The following NAV1 variants were observed in gnomAD, a reference collection of about 807,000 sequenced individuals.
NAV1 encodes pore membrane and/or filament interacting like protein 3.
Under a neutral mutation model 175.2 loss-of-function variants are expected in NAV1, and 18 were observed. The ratio of observed to expected loss-of-function variants is 0.10; its 90% CI spans 0.07 to 0.15. The LOEUF (loss-of-function observed/expected upper bound fraction) is 0.15. Ranked by LOEUF, NAV1 falls within the 10% of genes least tolerant of loss-of-function variation. The pLI, the probability that NAV1 is intolerant of heterozygous loss-of-function variation, is 1.00. For missense variants in NAV1, 1,731 were observed against 2,436.6 expected, an observed-to-expected ratio of 0.71 and a Z score of 6.10; for synonymous variants, 897 against 978.7, an observed-to-expected ratio of 0.92 and a Z score of 1.56.
At chr1:201,672,278 A>T (rs911335105) in intron 1 of NAV1, among the ~76,000 whole-genome samples, 3 of 152,158 alleles carry the variant, frequency 2.0e-5, no homozygotes, top group African/African-American at 7.2e-5. Flanking sequence ...TGATTTCTTG[A>T]TTGTATTGTA....
In NAV1 at chr1:201,744,923, C is replaced by T. The variant is rs563177590; in HGVS notation, c.1226+26168C>T. The stretch of plus-strand genomic sequence containing the variant: ...TTTTTCACTGCTATCTGGAGGAATC[C>T]TATCTGGAGGTCTTTGATAGTGCCA... On this transcript the variant is annotated intron_variant, in intron 3 of 29. Coordinates refer to ENST00000367296, the Ensembl canonical transcript of NAV1. Among the ~76,000 whole-genome samples, 4 of 152,330 alleles carry T rather than the reference C, an allele frequency of 2.6e-5. No homozygotes were observed. The East Asian group carries it at 7.7e-4, about 29-fold the overall frequency.
rs1413159129 is a variant in NAV1 at position 201,740,083 on chromosome 1, GC to G, written c.1226+21333del. 2.1e-6 allele frequency: 3 copies of G among 1,454,034 alleles called. No individual in the cohort carries two copies. The highest frequency in any genetic ancestry group is 2.7e-5 in the Admixed American group (1 of 37,042). The allele number at this position is 1,454,034 out of a possible 1,614,324, so 90.1% of individuals were successfully genotyped here. A position where few individuals can be genotyped will look rare whatever the true frequency, so the allele number is the denominator to read the frequency against. ...CGGTGAATTTCCCCCGCAGGTAAGC[GC>G]CCCCACCCCCCTGGCCTCACCGCCA... On this transcript the variant is annotated intron_variant, in intron 3 of 29. Coordinates refer to ENST00000367296, the Ensembl canonical transcript of NAV1. This position sits in a 1 kb window ranked among gnomAD's most constrained non-coding sequence, Gnocchi z 4.7.
chr1:201,712,513 CT>C (rs1671949635), intron 1 of NAV1, among the ~76,000 whole-genome samples: 1 of 152,198 alleles, frequency 6.6e-6, no homozygotes, highest in Non-Finnish European at 1.5e-5. Flanking sequence ...GAAGCAGGGC[CT>C]CCCCAAAACA....
intron 1 of NAV1, among the ~76,000 whole-genome samples, chr1:201,708,657 G>A (rs1346460164): frequency 1.3e-5 from 2 of 152,126 alleles, no homozygotes; most frequent in African/African-American, 4.8e-5. Flanking sequence ...TTGCACAAAG[G>A]TGCCACGTAA....
chr1:201,689,915 G>A (rs1018906675), intron 1 of NAV1, among the ~76,000 whole-genome samples: 6 of 152,044 alleles, frequency 3.9e-5, no homozygotes, highest in Non-Finnish European at 8.8e-5. Flanking sequence ...TTCCTCCGTG[G>A]CCTGTCCGTG....
chr1:201,744,442 C>T (rs1673642617), intron 3 of NAV1, among the ~76,000 whole-genome samples: 2 of 151,888 alleles, frequency 1.3e-5, no homozygotes, highest in African/African-American at 4.8e-5. Flanking sequence ...TAAGGCAGAC[C>T]GTAGTCCCTG....
intron 3 of NAV1, among the ~76,000 whole-genome samples, chr1:201,746,198 A>G (rs1012106627): frequency 2.0e-5 from 3 of 152,322 alleles, no homozygotes; most frequent in East Asian, 3.9e-4. Context: ...TTGTCCAATT[A>G]TAAGTTTCTA....
At chr1:201,756,602 A>G (rs1571461456) in intron 3 of NAV1, among the ~76,000 whole-genome samples, 1 of 152,160 alleles carries the variant, frequency 6.6e-6, no homozygotes, top group Non-Finnish European at 1.5e-5. Flanking sequence ...TAAAATCCCT[A>G]CTTCCTTGCT....
exon 30 of NAV1, chr1:201,824,487 T>C (rs1361244913): frequency 6.6e-6 from 1 of 152,182 alleles, no homozygotes; most frequent in Non-Finnish European, 1.5e-5. Context: ...CATGGGTGCA[T>C]GTCTGCTCAG....
At chr1:201,677,337 A>G (rs1378569814) in intron 1 of NAV1, among the ~76,000 whole-genome samples, 2 of 151,828 alleles carry the variant, frequency 1.3e-5, no homozygotes, top group Admixed American at 1.3e-4. Flanking sequence ...GGTCTGAGCA[A>G]AGCTTGGAAA....
At chr1:201,676,615 C>T (rs1412071419) in intron 1 of NAV1, among the ~76,000 whole-genome samples, 1 of 150,896 alleles carries the variant, frequency 6.6e-6, no homozygotes, top group African/African-American at 2.5e-5. Context: ...GTAGCTCCTC[C>T]ACCATTCTCC....
intron 1 of NAV1, among the ~76,000 whole-genome samples, chr1:201,702,256 C>T (rs547437287): frequency 2.6e-5 from 4 of 152,268 alleles, no homozygotes; most frequent in African/African-American, 9.6e-5. Context: ...CTGCTAATGG[C>T]CACAGGGCTT....
chr1:201,806,192 C>G (rs1048630163), intron 17 of NAV1, among the ~76,000 whole-genome samples: 1 of 152,054 alleles, frequency 6.6e-6, no homozygotes, highest in African/African-American at 2.4e-5. Flanking sequence ...ACCATCTCGG[C>G]CAGGCTAGTC....
At chr1:201,819,133 C>T (rs544879123) in intron 29 of NAV1, among the ~76,000 whole-genome samples, 53 of 152,332 alleles carry the variant, frequency 3.5e-4, no homozygotes, top group African/African-American at 1.1e-3. Flanking sequence ...TGTCTAGCTG[C>T]TGGTTTATAC....
At chr1:201,654,066 A>G (rs952786770) in intron 1 of NAV1, among the ~76,000 whole-genome samples, 4 of 152,208 alleles carry the variant, frequency 2.6e-5, no homozygotes, top group Non-Finnish European at 4.4e-5. Flanking sequence ...CTCACAGCCC[A>G]TGGCTCTGCC....
At chr1:201,809,887 G>T in intron 22 of NAV1, 59 bp from the exon 27 acceptor site, 1 of 1,483,570 alleles carries the variant, frequency 6.7e-7, no homozygotes, top group South Asian at 1.2e-5. Context: ...ATTCTTTGTT[G>T]TGGCTTTTAC....
intron 1 of NAV1, among the ~76,000 whole-genome samples, chr1:201,574,134 T>C (rs1180054639): frequency 6.6e-6 from 1 of 151,832 alleles, no homozygotes. Flanking sequence ...CACTCTTCAG[T>C]GTAGAGGACT....
intron 1 of NAV1, among the ~76,000 whole-genome samples, chr1:201,555,132 A>C (rs1206478493): frequency 6.6e-6 from 1 of 152,160 alleles, no homozygotes; most frequent in Non-Finnish European, 1.5e-5. Context: ...CCTCATCTTC[A>C]CTAATTACTT....
At chr1:201,631,748 A>T (rs1668484162) in intron 2 of NAV1, among the ~76,000 whole-genome samples, 1 of 152,252 alleles carries the variant, frequency 6.6e-6, no homozygotes, top group African/African-American at 2.4e-5. Context: ...TCCATCAAAT[A>T]TTTATATAAT....
Sources: allele counts gnomAD v4.1 joint callset (sites outside exome capture counted in the v4.1 genomes callset), GRCh38; gene constraint gnomAD v4.1.1; non-coding constraint Gnocchi (gnomAD v3.1); transcripts MANE v1.5; gene names NCBI Gene and HGNC (gene_info 2026-07-23, HGNC 2026-07-21).